CDCP2: variants seen among roughly 807,000 people sequenced by gnomAD.
CDCP2 encodes the protein CUB domain containing protein 2, also known as CUB domain-containing protein 2.
A neutral mutation model predicts 31.0 loss-of-function variants in CDCP2; 31 were observed. The ratio of observed to expected loss-of-function variants is 1.00; its 90% CI spans 0.75 to 1.35. The LOEUF (loss-of-function observed/expected upper bound fraction) is 1.35, where lower values mean the gene tolerates loss of function less well. Among genes scored for constraint, CDCP2 ranks in the 40% most tolerant of loss-of-function variants. The probability of loss-of-function intolerance (pLI) is 0.00; values close to 1 mark genes in which losing one functional copy is unlikely to be tolerated. For missense variants in CDCP2, 443 were observed against 482.6 expected, an observed-to-expected ratio of 0.92 and a Z score of 0.77; for synonymous variants, 206 against 207.9, an observed-to-expected ratio of 0.99 and a Z score of 0.08.
At chr1:54,151,981 T>G (rs55777922) in intron 1 of CDCP2, among the ~76,000 whole-genome samples, 1,897 of 152,066 alleles carry the variant, frequency 0.012, 19 homozygotes, top group Middle Eastern at 0.058. Flanking sequence ...TCCCTGAGGG[T>G]GAAGCAGAAG....
chr1:54,150,059 C>T (rs1336474415), intron 1 of CDCP2, among the ~76,000 whole-genome samples: 1 of 152,226 alleles, frequency 6.6e-6, no homozygotes, highest in Non-Finnish European at 1.5e-5. Flanking sequence ...ACCCTCCCTC[C>T]TCTTCCTTGA....
Position 54,148,274 on chromosome 1 carries a change from C to T in CDCP2, c.80-3461G>A, listed in dbSNP as rs542582683. ...AATATATAGCCAGGTGTCCTCAGCA[C>T]TTTGGGAGGCTGAGGCAGGAGGATC... On this transcript the variant is annotated intron_variant, in intron 1 of 5. Transcript: ENST00000530059. 4.5e-4 allele frequency among the ~76,000 whole-genome samples: 66 copies of T among 146,126 alleles called. 1 individual carries two copies. The highest frequency in any genetic ancestry group is 7.2e-4 in the Non-Finnish European group (48 of 66,372).
chr1:54,149,606 C>G (rs1213518094), intron 1 of CDCP2, among the ~76,000 whole-genome samples: 1 of 152,230 alleles, frequency 6.6e-6, no homozygotes, highest in Non-Finnish European at 1.5e-5. Context: ...ACCTGAAAAC[C>G]TCTCCCCAGC....
At position 54,141,433 on chromosome 1, in the gene CDCP2, TCTG is replaced by T; in HGVS notation, c.428-3_428-1del. 6.3e-7 allele frequency: 1 copy of T among 1,594,908 alleles called. No individual in the cohort carries two copies. On this transcript the variant is annotated splice_acceptor_variant and splice_polypyrimidine_tract_variant and intron_variant, in intron 2 of 5. Transcript: ENST00000530059. LOFTEE classifies it high-confidence loss of function. ...GCCAGTCAGGACGCCGCCACACACA[TCTG>T]CAAGGGAGCCCACTTGAGCTGACCT...
At chr1:54,151,051 G>A (rs1361429379) in intron 1 of CDCP2, among the ~76,000 whole-genome samples, 1 of 152,150 alleles carries the variant, frequency 6.6e-6, no homozygotes, top group African/African-American at 2.4e-5. Flanking sequence ...ATCTTGCTGG[G>A]GCCAGCAGTA....
chr1:54,143,273 G>C (rs965436213), intron 2 of CDCP2: 1 of 152,206 alleles, frequency 6.6e-6, no homozygotes, highest in Non-Finnish European at 1.5e-5. Flanking sequence ...CCGAGAGGTA[G>C]AGGTTGCAGT....
chr1:54,147,294 T>G (rs1659491604), intron 1 of CDCP2, among the ~76,000 whole-genome samples: 1 of 151,870 alleles, frequency 6.6e-6, no homozygotes, highest in Non-Finnish European at 1.5e-5. Context: ...ACTAACTCAT[T>G]TATCAATTTT....
chr1:54,133,128 G>A (rs953332352), exon 6 of CDCP2: 37 of 399,012 alleles, frequency 9.3e-5, no homozygotes, highest in East Asian at 5.0e-4. Context: ...AAGGTGCTCC[G>A]CAGTGGCAGC....
intron 1 of CDCP2, among the ~76,000 whole-genome samples, chr1:54,148,612 A>G (rs56311182): frequency 0.012 from 1,882 of 151,854 alleles, 91 homozygotes; most frequent in African/African-American, 0.043. Flanking sequence ...AGCTAGAGGA[A>G]CATTTTAAGT....
chr1:54,151,342 A>T (rs1465061484), intron 1 of CDCP2, among the ~76,000 whole-genome samples: 1 of 152,212 alleles, frequency 6.6e-6, no homozygotes, highest in Non-Finnish European at 1.5e-5. Context: ...CAGGAATGGC[A>T]TCTAATTCAT....
chr1:54,147,742 C>A (rs1659500383), intron 1 of CDCP2, among the ~76,000 whole-genome samples: 2 of 151,754 alleles, frequency 1.3e-5, no homozygotes, highest in Non-Finnish European at 2.9e-5. Context: ...GCCGTGATGG[C>A]TCAGACCTAT....
rs532810789 is a variant in CDCP2 at position 54,144,798 on chromosome 1, C to T, written c.95G>A (p.Gly32Asp). The change falls in exon 2 of 6, where the codon GGT (glycine) becomes GAT (aspartate). Residue 32 changes from glycine to aspartate, a missense_variant. Gly to Asp is a moderately conservative substitution (Grantham distance 94). Coordinates refer to ENST00000530059, the Ensembl canonical transcript of CDCP2. ...GTTTCCAGAAGGTGCTGAGAGCACA[C>T]CCCCACATTTGACACCTGGGGCAAG... 7.5e-6 allele frequency: 12 copies of T among 1,610,538 alleles called. No individual in the cohort carries two copies. The highest frequency in any genetic ancestry group is 4.0e-5 in the African/African-American group (3 of 74,968).
At chr1:54,139,882 G>A in exon 4 of CDCP2, 1 of 1,614,134 alleles carries the variant, frequency 6.2e-7, no homozygotes, top group South Asian at 1.1e-5. Flanking sequence ...CCCAGCAGGG[G>A]TGCCTCCTCG....
chr1:54,149,178 C>T lies in CDCP2; in HGVS notation c.79+3666G>A, dbSNP rs546773602. Among the ~76,000 whole-genome samples, 130 of 151,518 alleles carry T rather than the reference C, an allele frequency of 8.6e-4. 3 individuals are homozygous for T. The highest frequency in any genetic ancestry group is 3.1e-3 in the African/African-American group (127 of 41,036). ...CCCAGGAGTTCGAGGCTGCAGTGAG[C>T]TATGACCACAGCACTGTAGTCCAGC... is the stretch of plus-strand genomic sequence containing the variant. On this transcript the variant is annotated intron_variant, in intron 1 of 5. Coordinates refer to ENST00000530059, the Ensembl canonical transcript of CDCP2.
chr1:54,134,744 TTTG>T (rs1273943244), intron 5 of CDCP2, among the ~76,000 whole-genome samples: 4 of 51,828 alleles, frequency 7.7e-5, no homozygotes, highest in Admixed American at 2.6e-4. Flanking sequence ...TTTGTTTTGT[TTTG>T]TTTTTTGAGA....
chr1:54,135,807 C>T (rs1659249567), intron 5 of CDCP2, among the ~76,000 whole-genome samples: 1 of 152,062 alleles, frequency 6.6e-6, no homozygotes, highest in South Asian at 2.1e-4. Context: ...CAGAGGCATA[C>T]ATGTGGCTAA....
chr1:54,139,513 C>T, intron 4 of CDCP2: 1 of 1,609,634 alleles, frequency 6.2e-7, no homozygotes, highest in Non-Finnish European at 8.5e-7. Flanking sequence ...GGTGAGGACT[C>T]ACGAAGTTAG....
chr1:54,149,500 G>A (rs75185975), intron 1 of CDCP2, among the ~76,000 whole-genome samples: 23,452 of 149,684 alleles, frequency 0.16, 2,071 homozygotes, highest in Middle Eastern at 0.18. Flanking sequence ...TGTGCTTTGC[G>A]TGTGTTTGAA....
chr1:54,139,646 G>GAT (rs36013100), intron 4 of CDCP2, 107 bp downstream of exon 4: 1 of 1,581,514 alleles, frequency 6.3e-7, no homozygotes, highest in Admixed American at 1.7e-5. Flanking sequence ...GACCATTCAT[G>GAT]GGGGGGGCAG....
Sources: gnomAD v4.1 joint callset for allele counts (sites outside exome capture counted in the v4.1 genomes callset) on GRCh38, gnomAD v4.1.1 for gene constraint, MANE v1.5 for transcripts, NCBI Gene and HGNC (gene_info 2026-07-23, HGNC 2026-07-21) for gene names.